The following PTPN18 variants were observed in gnomAD, a reference collection of about 807,000 sequenced individuals.
PTPN18 encodes protein tyrosine phosphatase non-receptor type 18.
In PTPN18, 65 loss-of-function variants were observed where a neutral mutation model predicts 65.4. The ratio of observed to expected loss-of-function variants is 0.99; its 90% CI spans 0.81 to 1.22. PTPN18 has a LOEUF of 1.22. Ranked by LOEUF, PTPN18 falls within the 50% of genes most tolerant of loss-of-function variation. PTPN18 has a pLI of 0.00. For synonymous variants in PTPN18, 255 were observed against 267.8 expected (o/e 0.95, Z 0.47); for missense variants, 616 against 646.5 (o/e 0.95, Z 0.51).
intron 8 of PTPN18, 158 bp from the exon 9 acceptor site, chr2:130,370,399 T>C (rs1680520671): frequency 3.6e-6 from 4 of 1,123,764 alleles, no homozygotes; most frequent in African/African-American, 3.1e-5. Flanking sequence ...ATGTAAGTGA[T>C]TAAAAAGGTT....
intron 1 of PTPN18, among the ~76,000 whole-genome samples, chr2:130,356,401 C>A (rs1679972237): frequency 3.3e-5 from 5 of 152,146 alleles, no homozygotes; most frequent in Admixed American, 3.3e-4. Context: ...CCCCCGGCCC[C>A]GGAGCGCGAC....
intron 8 of PTPN18, 151 bp downstream of exon 8, chr2:130,370,341 C>A: frequency 1.6e-6 from 2 of 1,250,286 alleles, no homozygotes; most frequent in Non-Finnish European, 2.2e-6. Flanking sequence ...AGCACTTGTT[C>A]AGCACAGACT....
Position 130,358,970 on chromosome 2 carries a change from T to C in PTPN18, c.197T>C (p.Leu66Pro), listed in dbSNP as rs765796083. 6.2e-7 allele frequency: 1 copy of C among 1,613,854 alleles called. No homozygotes were observed. Among genetic ancestry groups the C allele is most frequent in the Non-Finnish European group, 8.5e-7 (1 of 1,179,734 alleles). ...AGGAAGAACCGCTACAAAGACGTGC[T>C]GCCTTGTAAGTCGGGGCTTCCGTAG... ...NVRKNRYKDVLPYDQTRVILS... is the reference protein window; with the variant it reads ...NVRKNRYKDVPPYDQTRVILS... The change falls in exon 2 of 15, where the codon CTG (leucine) becomes CCG (proline). Residue 66 changes from leucine to proline, a missense_variant. Physicochemically the swap from Leu to Pro is moderately conservative, Grantham distance 98 (BLOSUM62 -3). Transcript: ENST00000175756.
rs999127605 is a variant in PTPN18, at chr2:130,358,129, G to T, written c.94-738G>T. On this transcript the variant is annotated intron_variant, in intron 1 of 14. Transcript: ENST00000175756. ...CCCCTGCTCCCCAAGCCTGCCTCCC[G>T]CATGTGCAGGAATCACTGCGCTCTT... 3.3e-5 allele frequency among the ~76,000 whole-genome samples: 5 copies of T among 152,264 alleles called. No individual in the cohort carries two copies. The East Asian group carries it at 9.7e-4, about 29-fold the overall frequency.
rs563636144 is a variant in PTPN18 at position 130,374,876 on chromosome 2, G to A, written c.*1652G>A. ...CCTTCAATCAAGGAATGATGGGGATGTGTACATACCCCACCCCACCCCTTG... is the reference window on the plus strand; with the variant it reads ...CCTTCAATCAAGGAATGATGGGGATATGTACATACCCCACCCCACCCCTTG... On this transcript the variant is annotated 3_prime_UTR_variant, in exon 15 of 15. Coordinates refer to ENST00000175756, the MANE Select transcript of PTPN18 (RefSeq NM_014369.4). 9 of 354,046 alleles carry A rather than the reference G, an allele frequency of 2.5e-5. No homozygotes were observed. Among genetic ancestry groups the A allele is most frequent in the African/African-American group, 1.9e-4 (9 of 47,028 alleles). 21.9% of individuals were successfully genotyped at this position (354,046 alleles called of 1,614,324 possible).
intron 5 of PTPN18, among the ~76,000 whole-genome samples, chr2:130,367,755 G>A (rs943171170): frequency 3.9e-5 from 6 of 151,928 alleles, no homozygotes; most frequent in South Asian, 2.1e-4. Flanking sequence ...TTAGGTTTAG[G>A]TTTATTCTCC....
Position 130,370,981 on chromosome 2 carries a change from C to T in PTPN18, c.924+17C>T, listed in dbSNP as rs1306258114. On this transcript the variant is annotated intron_variant, in intron 11 of 14. Coordinates refer to ENST00000175756, the MANE Select transcript of PTPN18 (RefSeq NM_014369.4). ...ATCAAAGAGGTACAGAGGCTCCTTT[C>T]CCACTCTCCTGTCCACCATCAGCAC... 1.9e-6 allele frequency: 3 copies of T among 1,609,030 alleles called. No homozygotes were observed. Among genetic ancestry groups the T allele is most frequent in the South Asian group, 1.1e-5 (1 of 90,946 alleles).
chr2:130,364,912 A>G (rs1680334626), intron 5 of PTPN18, among the ~76,000 whole-genome samples: 1 of 152,154 alleles, frequency 6.6e-6, no homozygotes, highest in East Asian at 1.9e-4. Flanking sequence ...TGATAACGCT[A>G]TGTTCAACAT....
At chr2:130,360,408 A>G (rs1378475998) in intron 5 of PTPN18, among the ~76,000 whole-genome samples, 2 of 152,148 alleles carry the variant, frequency 1.3e-5, no homozygotes, top group Non-Finnish European at 2.9e-5. Flanking sequence ...TGCCTACTCC[A>G]TGGATGGGGT....
At position 130,372,347 on chromosome 2, in the gene PTPN18, TGGGACGCAGACG is replaced by T. The variant is rs1392213865; in HGVS notation, c.1111_1122del (p.Gln371_Thr374del). ...GCGGGGCTCCAGCGGGCGCCGGGAG[TGGGACGCAGACG>T]GGGACGGGGACGGGGACGGGGGCGC... On this transcript the variant is annotated inframe_deletion, in exon 13 of 15. Transcript: ENST00000175756. 7.2e-7 allele frequency: 1 copy of T among 1,390,576 alleles called. No homozygotes were observed. Among genetic ancestry groups the T allele is most frequent in the South Asian group, 1.6e-5 (1 of 63,916 alleles). 86.1% of individuals were successfully genotyped at this position (1,390,576 alleles called of 1,614,324 possible).
Position 130,372,499 on chromosome 2 carries a change from C to G in PTPN18, c.1240+16C>G, listed in dbSNP as rs1315891721. 10 of 1,388,124 alleles carry G rather than the reference C, an allele frequency of 7.2e-6. No individual in the cohort carries two copies. Among genetic ancestry groups the G allele is most frequent in the African/African-American group, 1.5e-5 (1 of 65,304 alleles). The allele number at this position is 1,388,124 out of a possible 1,614,324, so 86.0% of individuals were successfully genotyped here. ...CCTGGCCGCGGTGAGTCGAGGCTTG[C>G]TCCTTCTCAGGGCATCATCCTGCTG... On this transcript the variant is annotated intron_variant, in intron 13 of 14. Transcript: ENST00000175756.
At chr2:130,369,630 G>T in intron 6 of PTPN18, 135 bp from the exon 7 acceptor site, 1 of 920,972 alleles carries the variant, frequency 1.1e-6, no homozygotes, top group South Asian at 2.0e-5. Context: ...GGAAAGTTTG[G>T]GCTATATGAA....
At position 130,359,445 on chromosome 2, in the gene PTPN18, C is replaced by G. The variant is rs774490093; in HGVS notation, c.328C>G (p.His110Asp). ...CATTGCCACGCAAGGACCCTTGCCTCACACCCTGCTAGACTTCTGGAGACT... is the reference window on the plus strand; with the variant it reads ...CATTGCCACGCAAGGACCCTTGCCTGACACCCTGCTAGACTTCTGGAGACT... ...AYIATQGPLP[H>D]TLLDFWRLVW... Residue 110 changes from histidine to aspartate, a missense_variant, in exon 4 of 15, where the codon CAC becomes GAC. His to Asp is a moderately conservative substitution (Grantham distance 81). Transcript: ENST00000175756. 1.2e-6 allele frequency: 2 copies of G among 1,614,188 alleles called. No homozygotes were observed. The highest frequency in any genetic ancestry group is 2.2e-5 in the South Asian group (2 of 91,078).
chr2:130,367,050 ATTTTTTTTTTTTTTTTT>A (rs57039741), intron 5 of PTPN18, among the ~76,000 whole-genome samples: 2 of 104,202 alleles, frequency 1.9e-5, no homozygotes, highest in Admixed American at 2.2e-4. Flanking sequence ...GCTAATTTTA[ATTTTTTTTTTTTTTTTT>A]TTTTTTTTTT....
Position 130,358,976 on chromosome 2 carries a change from G to GT in PTPN18, c.202+2dup, listed in dbSNP as rs777783857. On this transcript the variant is annotated splice_donor_variant, in intron 2 of 14. Transcript: ENST00000175756. LOFTEE classifies it high-confidence loss of function. ...AACCGCTACAAAGACGTGCTGCCTT[G>GT]TAAGTCGGGGCTTCCGTAGGGAGTC... is the stretch of plus-strand genomic sequence containing the variant. The GT allele has an allele frequency of 1.2e-6, 2 of 1,613,746 alleles. No individual in the cohort carries two copies. The highest frequency in any genetic ancestry group is 2.2e-5 in the South Asian group (2 of 91,074).
intron 5 of PTPN18, chr2:130,362,170 G>A (rs778665352): frequency 2.1e-5 from 10 of 469,312 alleles, no homozygotes; most frequent in African/African-American, 4.0e-5. Flanking sequence ...TAAGTCTCAC[G>A]TATAATCCAG....
At position 130,375,157 on chromosome 2, in the gene PTPN18, C is replaced by T. The variant is rs1240175857; in HGVS notation, c.*1933C>T. ...GAGCCTGCTGCTGGTGAGGTCGGTG[C>T]TGACCTCTGTGTTGCTGGATAATGA... On this transcript the variant is annotated 3_prime_UTR_variant, in exon 15 of 15. Coordinates refer to ENST00000175756, the MANE Select transcript of PTPN18 (RefSeq NM_014369.4). The T allele has an allele frequency of 1.2e-5, 2 of 164,792 alleles. No individual in the cohort carries two copies. Among genetic ancestry groups the T allele is most frequent in the East Asian group, 1.8e-4 (1 of 5,632 alleles). The allele number at this position is 164,792 out of a possible 1,614,324, so 10.2% of individuals were successfully genotyped here.
At position 130,374,579 on chromosome 2, in the gene PTPN18, G is replaced by A. The variant is rs577014286; in HGVS notation, c.*1355G>A. On this transcript the variant is annotated 3_prime_UTR_variant, in exon 15 of 15. Transcript: ENST00000175756. ...AGGACACGTCTCTGTGCACTGGTGT[G>A]GACAAATCTCCAAGTCACTGCAAAA... 52 of 470,280 alleles carry A rather than the reference G, an allele frequency of 1.1e-4. No homozygotes were observed. Among genetic ancestry groups the A allele is most frequent in the African/African-American group, 7.8e-4 (39 of 50,158 alleles). The allele number at this position is 470,280 out of a possible 1,614,324, so 29.1% of individuals were successfully genotyped here.
intron 5 of PTPN18, among the ~76,000 whole-genome samples, chr2:130,361,122 T>G (rs1219582525): frequency 6.6e-6 from 1 of 152,252 alleles, no homozygotes; most frequent in Non-Finnish European, 1.5e-5. Flanking sequence ...CACTTTTATA[T>G]CTTTACTGTA....
Sources: allele counts gnomAD v4.1 joint callset (sites outside exome capture counted in the v4.1 genomes callset), GRCh38; gene constraint gnomAD v4.1.1; transcripts MANE v1.5; gene names NCBI Gene and HGNC (gene_info 2026-07-23, HGNC 2026-07-21).